RSPH3: variants seen among roughly 807,000 people sequenced by gnomAD.
RSPH3 encodes radial spoke head protein 3 homolog.
In RSPH3, 21 loss-of-function variants were observed where a neutral mutation model predicts 43.8. The ratio of observed to expected loss-of-function variants is 0.48; its 90% CI spans 0.34 to 0.69. The LOEUF is 0.69. Among genes scored for constraint, RSPH3 ranks in the 30% least tolerant of loss-of-function variants. The pLI, the probability that RSPH3 is intolerant of heterozygous loss-of-function variation, is 0.01. For missense variants in RSPH3, 487 were observed against 516.0 expected, an observed-to-expected ratio of 0.94 and a Z score of 0.54; for synonymous variants, 173 against 179.8, an observed-to-expected ratio of 0.96 and a Z score of 0.30.
intron 1 of RSPH3, among the ~76,000 whole-genome samples, chr6:158,994,361 AAAT>A (rs1344577696): frequency 3.3e-5 from 5 of 152,250 alleles, no homozygotes; most frequent in Non-Finnish European, 7.3e-5. Context: ...ACTAATAAAA[AAAT>A]GAGGCTTAAA....
rs1777725263 is a variant in RSPH3, at chr6:158,973,136, G to A, written c.*4402C>T. 1 of 152,140 alleles carries A rather than the reference G, an allele frequency of 6.6e-6. No homozygotes were observed. The highest frequency in any genetic ancestry group is 1.5e-5 in the Non-Finnish European group (1 of 68,030). The allele number at this position is 152,140 out of a possible 1,614,324, so 9.4% of individuals were successfully genotyped here. On this transcript the variant is annotated 3_prime_UTR_variant, in exon 8 of 8. Coordinates refer to ENST00000367069, the MANE Select transcript of RSPH3 (RefSeq NM_031924.8). ...GTGGGGAAGTGAAGCTCATGTTTAG[G>A]CCTTTTCATAATGTCTTTATGCTAA...
intron 2 of RSPH3, among the ~76,000 whole-genome samples, chr6:158,992,196 C>T (rs536016085): frequency 4.6e-5 from 7 of 151,960 alleles, no homozygotes; most frequent in Admixed American, 4.6e-4. Flanking sequence ...TCTTTTTAAT[C>T]ACGTATTTCT....
At chr6:158,977,953 T>A in intron 7 of RSPH3, 105 bp from the exon 8 acceptor site, 1 of 953,498 alleles carries the variant, frequency 1.0e-6, no homozygotes. Flanking sequence ...TCACGAAGCC[T>A]CATCTCTTTC....
intron 1 of RSPH3, among the ~76,000 whole-genome samples, chr6:158,999,185 A>T (rs1432174745): frequency 1.3e-5 from 2 of 152,080 alleles, no homozygotes; most frequent in African/African-American, 4.8e-5. Flanking sequence ...AAATGAGCCA[A>T]TTCGTGTACA....
intron 4 of RSPH3, 98 bp downstream of exon 4, chr6:158,983,564 G>C (rs1159795801): frequency 1.8e-5 from 16 of 874,128 alleles, no homozygotes; most frequent in Non-Finnish European, 2.9e-5. Flanking sequence ...AGTAGAATCT[G>C]ATTGTGAAGT....
chr6:158,966,693 T>A, the RSPH3 span, among the ~76,000 whole-genome samples: 1 of 152,110 alleles, frequency 6.6e-6, no homozygotes, highest in Non-Finnish European at 1.5e-5. Flanking sequence ...TTTAATAATT[T>A]GAGTGTTCTT....
intron 6 of RSPH3, among the ~76,000 whole-genome samples, chr6:158,979,176 T>C (rs904852213): frequency 1.3e-4 from 20 of 152,230 alleles, no homozygotes; most frequent in Admixed American, 1.0e-3. Context: ...TTTAAAAATA[T>C]GGTCTATTAC....
intron 1 of RSPH3, among the ~76,000 whole-genome samples, chr6:158,999,202 G>C (rs564332025): frequency 4.0e-5 from 6 of 150,166 alleles, no homozygotes; most frequent in Non-Finnish European, 9.0e-5. Flanking sequence ...TACATGTTAA[G>C]GACCACGGCA....
intron 2 of RSPH3, among the ~76,000 whole-genome samples, chr6:158,988,803 A>C (rs1778313033): frequency 6.6e-6 from 1 of 152,064 alleles, no homozygotes; most frequent in South Asian, 2.1e-4. Flanking sequence ...TTTCTGTGTT[A>C]TCTTAGACAT....
chr6:158,972,122 A>C (rs1337058454), downstream of RSPH3, among the ~76,000 whole-genome samples: 2 of 152,148 alleles, frequency 1.3e-5, no homozygotes, highest in Non-Finnish European at 2.9e-5. Context: ...TATGACCAAT[A>C]AGCAAAGGTT....
At chr6:158,982,309 C>A (rs1213171044) in intron 5 of RSPH3, among the ~76,000 whole-genome samples, 176 bp downstream of exon 5, 2 of 152,164 alleles carry the variant, frequency 1.3e-5, no homozygotes. Flanking sequence ...AGATGTAATT[C>A]CGTCCATGAA....
intron 5 of RSPH3, 121 bp downstream of exon 5, chr6:158,982,364 T>A: frequency 1.6e-6 from 1 of 635,370 alleles, no homozygotes; most frequent in Non-Finnish European, 2.6e-6. Flanking sequence ...ATACTATAGA[T>A]CTTTTTCTAA....
chr6:158,976,838 C>T lies in RSPH3; in HGVS notation c.*700G>A, dbSNP rs180770236. 1,297 of 151,604 alleles carry T rather than the reference C, an allele frequency of 8.6e-3. 7 individuals are homozygous for T. Among genetic ancestry groups the T allele is most frequent in the Non-Finnish European group, 0.013 (880 of 68,270 alleles). The allele number at this position is 151,604 out of a possible 1,614,324, so 9.4% of individuals were successfully genotyped here. On this transcript the variant is annotated 3_prime_UTR_variant, in exon 8 of 8. Coordinates refer to ENST00000367069, the MANE Select transcript of RSPH3 (RefSeq NM_031924.8). ...TCTTTTTTTTCTTTTTTTTTTGAGA[C>T]GGAGTTTTGCTCTTGTTGCCCAGGC...
the RSPH3 span, among the ~76,000 whole-genome samples, chr6:158,963,609 T>C: frequency 6.6e-6 from 1 of 150,678 alleles, no homozygotes; most frequent in Non-Finnish European, 1.5e-5. Context: ...TTTTGATAGG[T>C]TTCACAATGT....
intron 6 of RSPH3, among the ~76,000 whole-genome samples, chr6:158,980,442 A>C (rs917650542): frequency 1.3e-5 from 2 of 152,108 alleles, no homozygotes; most frequent in African/African-American, 4.8e-5. Flanking sequence ...AAAAAAAAAA[A>C]AAATTCCTCA....
rs1778823155 is a variant in RSPH3, at chr6:159,000,137, T to G, written c.-587A>C. 1.4e-6 allele frequency: 1 copy of G among 727,520 alleles called. No homozygotes were observed. Among genetic ancestry groups the G allele is most frequent in the East Asian group, 3.1e-5 (1 of 32,184 alleles). 45.1% of individuals were successfully genotyped at this position (727,520 alleles called of 1,614,324 possible). ...CCGCGGCGCAGCAGCGCTCCCAGGC[T>G]GCCCCCGCGATAACACGCCCCTGGC... is the stretch of plus-strand genomic sequence containing the variant. On this transcript the variant is annotated 5_prime_UTR_variant, in exon 1 of 8. Transcript: ENST00000367069.
At chr6:158,987,953 C>T (rs1298099285) in intron 2 of RSPH3, among the ~76,000 whole-genome samples, 1 of 152,190 alleles carries the variant, frequency 6.6e-6, no homozygotes, top group Admixed American at 6.5e-5. Flanking sequence ...CTTAATTTAA[C>T]CAGTAAGTTT....
At chr6:158,985,946 T>G (rs1778222060) in intron 3 of RSPH3, among the ~76,000 whole-genome samples, 1 of 151,950 alleles carries the variant, frequency 6.6e-6, no homozygotes, top group Non-Finnish European at 1.5e-5. Flanking sequence ...CCCGAGTAGC[T>G]GGGATTACAG....
chr6:158,999,862 C>A lies in RSPH3; in HGVS notation c.-312G>T, dbSNP rs1171038353. 3.7e-6 allele frequency: 6 copies of A among 1,613,698 alleles called. No homozygotes were observed. The highest frequency in any genetic ancestry group is 1.1e-5 in the South Asian group (1 of 91,080). On this transcript the variant is annotated 5_prime_UTR_variant, in exon 1 of 8. Transcript: ENST00000367069. ...TCCCCAGGTTTCCCGGGAAGGACTG[C>A]GGCACAAGGGACTTCCGGCTCTTGA...
Sources: gnomAD v4.1 joint callset for allele counts (sites outside exome capture counted in the v4.1 genomes callset) on GRCh38, gnomAD v4.1.1 for gene constraint, MANE v1.5 for transcripts, NCBI Gene and HGNC (gene_info 2026-07-23, HGNC 2026-07-21) for gene names.